Variants in TRAPPC11 observed in about 807,000 individuals in gnomAD.
TRAPPC11 encodes the protein foie gras homolog.
TRAPPC11 carries 104 observed loss-of-function variants against 151.2 expected under a neutral mutation model. That is an observed-to-expected ratio of 0.69 (90% CI 0.59 to 0.81). TRAPPC11 has a LOEUF of 0.81. TRAPPC11 is among the 30% of genes least tolerant of loss of function. The pLI is 0.00. For missense variants in TRAPPC11, 1,230 were observed against 1,349.6 expected, an observed-to-expected ratio of 0.91 and a Z score of 1.39; for synonymous variants, 456 against 472.3, an observed-to-expected ratio of 0.97 and a Z score of 0.45.
chr4:183,697,379 G>C, intron 23 of TRAPPC11, 124 bp from the exon 24 acceptor site: 1 of 855,248 alleles, frequency 1.2e-6, no homozygotes, highest in South Asian at 1.7e-5. Flanking sequence ...TATCTAAAAG[G>C]CCTTTACTTC....
rs397509418 is a variant in TRAPPC11, at chr4:183,684,059, G to A, written c.1287+5G>A. Reference sequence around the variant, plus strand: ...GAGAGAAATGTTGTTCACTCTGTAAGTTTTGTGTCCAATATAAACTATTTT... The same window carrying A: ...GAGAGAAATGTTGTTCACTCTGTAAATTTTGTGTCCAATATAAACTATTTT... On this transcript the variant is annotated splice_donor_5th_base_variant and intron_variant, in intron 12 of 29. Coordinates refer to ENST00000334690, the MANE Select transcript of TRAPPC11 (RefSeq NM_021942.6). 62 of 1,613,224 alleles carry A rather than the reference G, an allele frequency of 3.8e-5. No homozygotes were observed. The highest frequency in any genetic ancestry group is 4.6e-5 in the Non-Finnish European group (54 of 1,179,396).
intron 28 of TRAPPC11, among the ~76,000 whole-genome samples, chr4:183,707,253 T>C (rs1737119442): frequency 1.8e-5 from 2 of 112,420 alleles, no homozygotes; most frequent in South Asian, 4.9e-4. Context: ...TGTGTGTGTT[T>C]ATGTGTGTGT....
At chr4:183,665,240 G>C (rs187386655) in intron 2 of TRAPPC11, among the ~76,000 whole-genome samples, 2 of 151,684 alleles carry the variant, frequency 1.3e-5, no homozygotes, top group South Asian at 2.1e-4. Context: ...GACTACAGGC[G>C]CCCGCCACCA....
intron 29 of TRAPPC11, among the ~76,000 whole-genome samples, chr4:183,710,731 A>G (rs1372031840): frequency 6.6e-6 from 1 of 151,834 alleles, no homozygotes; most frequent in Non-Finnish European, 1.5e-5. Context: ...GGGAAAATTT[A>G]TAATTAAAAA....
chr4:183,663,755 T>TTTTTA lies in TRAPPC11; in HGVS notation c.-21-92_-21-91insTTTTA. The stretch of plus-strand genomic sequence containing the variant: ...TGAGTTGTTTTTTTTTTTTTTTTTT[T>TTTTTA]GAGACAGAGTTTTGCTCTTGTTGCC... On this transcript the variant is annotated intron_variant, in intron 1 of 29. Coordinates refer to ENST00000334690, the MANE Select transcript of TRAPPC11 (RefSeq NM_021942.6). The TTTTTA allele has an allele frequency of 2.1e-5, 10 of 473,398 alleles. 1 individual carries two copies. The highest frequency in any genetic ancestry group is 7.1e-5 in the Admixed American group (2 of 27,996). 29.3% of individuals were successfully genotyped at this position (473,398 alleles called of 1,614,324 possible). A position where few individuals can be genotyped will look rare whatever the true frequency, so the allele number is the denominator to read the frequency against.
intron 23 of TRAPPC11, among the ~76,000 whole-genome samples, chr4:183,696,139 C>T (rs1252438789): frequency 1.3e-5 from 2 of 152,140 alleles, no homozygotes; most frequent in Non-Finnish European, 2.9e-5. Context: ...AATCCAAATA[C>T]TCCAAAATCC....
Position 183,679,400 on chromosome 4 carries a change from T to C in TRAPPC11, c.879T>C (p.Ala293=). Reference sequence around the variant, plus strand: ...ACAACACCCCATTGGATGCAATTGCTCAGTTCCGAAAACACATCGACTTGT... The same window carrying C: ...ACAACACCCCATTGGATGCAATTGCCCAGTTCCGAAAACACATCGACTTGT... ...FQHNTPLDAI[A]QFRKHIDLCK... The change falls in exon 9 of 30, where the codon GCT becomes GCC. Residue 293 remains alanine (A), a synonymous_variant. Coordinates refer to ENST00000334690, the MANE Select transcript of TRAPPC11 (RefSeq NM_021942.6). 1 of 1,613,114 alleles carries C rather than the reference T, an allele frequency of 6.2e-7. No homozygotes were observed. Among genetic ancestry groups the C allele is most frequent in the Non-Finnish European group, 8.5e-7 (1 of 1,179,562 alleles).
intron 20 of TRAPPC11, 24 bp from the exon 21 acceptor site, chr4:183,693,565 C>G: frequency 6.3e-7 from 1 of 1,578,780 alleles, no homozygotes. Context: ...TGATCAGTTA[C>G]TTAGCTAAGG....
chr4:183,694,129 C>T (rs1736407558), intron 22 of TRAPPC11, 91 bp downstream of exon 22: 7 of 1,386,508 alleles, frequency 5.0e-6, no homozygotes, highest in Non-Finnish European at 7.0e-6. Flanking sequence ...AGCGTTTTAA[C>T]GCATATTCTA....
At chr4:183,663,774 T>C (rs1204294846) in intron 1 of TRAPPC11, 73 bp from the exon 2 acceptor site, 1 of 719,618 alleles carries the variant, frequency 1.4e-6, no homozygotes, top group East Asian at 2.9e-5. Context: ...GTTTTGCTCT[T>C]GTTGCCCAGG....
chr4:183,660,861 G>A (rs546872856), intron 1 of TRAPPC11, among the ~76,000 whole-genome samples: 4 of 151,492 alleles, frequency 2.6e-5, no homozygotes, highest in South Asian at 2.1e-4. Context: ...CTATAGGCAC[G>A]CATCACCATG....
intron 1 of TRAPPC11, among the ~76,000 whole-genome samples, chr4:183,660,539 T>C (rs1055617934): frequency 6.6e-6 from 1 of 152,262 alleles, no homozygotes; most frequent in South Asian, 2.1e-4. Context: ...TTAATTTATT[T>C]ATGTGACTTG....
At chr4:183,693,210 T>G (rs2111065733) in intron 20 of TRAPPC11, 63 bp downstream of exon 20, 1 of 1,449,330 alleles carries the variant, frequency 6.9e-7, no homozygotes, top group Non-Finnish European at 9.3e-7. Context: ...CTATTTTTTT[T>G]GGAGACAGAG....
At chr4:183,664,342 T>A (rs1734732677) in intron 2 of TRAPPC11, among the ~76,000 whole-genome samples, 1 of 152,174 alleles carries the variant, frequency 6.6e-6, no homozygotes. Flanking sequence ...AAACCCAACA[T>A]AGTCCCCTCT....
chr4:183,675,896 G>A (rs1289340865), intron 7 of TRAPPC11, among the ~76,000 whole-genome samples: 1 of 152,072 alleles, frequency 6.6e-6, no homozygotes, highest in East Asian at 1.9e-4. Flanking sequence ...TTGCTTTTAC[G>A]AAGCAGAATT....
chr4:183,672,093 A>G (rs1184287206), intron 5 of TRAPPC11, among the ~76,000 whole-genome samples: 3 of 152,252 alleles, frequency 2.0e-5, no homozygotes, highest in Non-Finnish European at 4.4e-5. Flanking sequence ...AAAAGCATCC[A>G]TGTTAAATTC....
intron 25 of TRAPPC11, among the ~76,000 whole-genome samples, chr4:183,699,639 C>G (rs951797083): frequency 6.6e-6 from 1 of 152,158 alleles, no homozygotes; most frequent in Non-Finnish European, 1.5e-5. Context: ...TATTAAAGTT[C>G]TACAGGTTAG....
intron 22 of TRAPPC11, among the ~76,000 whole-genome samples, 161 bp downstream of exon 22, chr4:183,694,199 G>C (rs909003885): frequency 6.6e-6 from 1 of 152,334 alleles, no homozygotes; most frequent in South Asian, 2.1e-4. Context: ...ACGTAAATGT[G>C]TAAAATGTCT....
chr4:183,691,702 T>C (rs1275533379), intron 19 of TRAPPC11, among the ~76,000 whole-genome samples: 1 of 152,134 alleles, frequency 6.6e-6, no homozygotes, highest in Non-Finnish European at 1.5e-5. Flanking sequence ...CTGTACATAA[T>C]AAACTGTAGC....
Sources: gnomAD v4.1 joint callset for allele counts (sites outside exome capture counted in the v4.1 genomes callset) on GRCh38, gnomAD v4.1.1 for gene constraint, MANE v1.5 for transcripts, NCBI Gene and HGNC (gene_info 2026-07-23, HGNC 2026-07-21) for gene names.